CRIM1: variants seen among roughly 807,000 people sequenced by gnomAD.
The protein encoded by CRIM1 is cysteine rich transmembrane BMP regulator 1.
CRIM1 carries 32 observed loss-of-function variants against 116.4 expected under a neutral mutation model. That is an observed-to-expected ratio of 0.27 (90% CI 0.21 to 0.37). The LOEUF is 0.37. CRIM1 is among the 10% of genes least tolerant of loss of function. The probability of loss-of-function intolerance (pLI) is 1.00; values close to 1 mark genes in which losing one functional copy is unlikely to be tolerated. For synonymous variants in CRIM1, 590 were observed against 509.2 expected (o/e 1.16, Z -2.13); for missense variants, 1,331 against 1,354.8 (o/e 0.98, Z 0.28).
At chr2:36,426,769 T>G (rs538122273) in intron 2 of CRIM1, among the ~76,000 whole-genome samples, 2 of 152,330 alleles carry the variant, frequency 1.3e-5, no homozygotes, top group Admixed American at 1.3e-4. Flanking sequence ...GCTCCTTTTT[T>G]GTATGTGTAG....
intron 1 of CRIM1, among the ~76,000 whole-genome samples, chr2:36,367,889 C>T (rs1669699981): frequency 6.6e-6 from 1 of 152,120 alleles, no homozygotes; most frequent in South Asian, 2.1e-4. Flanking sequence ...TGCTGCCTTC[C>T]CTTTCTCCAT....
chr2:36,545,618 C>T (rs766133116), intron 15 of CRIM1, among the ~76,000 whole-genome samples: 3 of 152,046 alleles, frequency 2.0e-5, no homozygotes, highest in Non-Finnish European at 4.4e-5. Context: ...TAGTTGTTTC[C>T]GTTTTTGGCT....
At chr2:36,512,494 G>C in intron 10 of CRIM1, 100 bp downstream of exon 10, 2 of 1,313,770 alleles carry the variant, frequency 1.5e-6, no homozygotes, top group South Asian at 1.5e-5. Context: ...GGTGGTTGCT[G>C]CCTATTCTAA....
intron 1 of CRIM1, among the ~76,000 whole-genome samples, chr2:36,363,358 G>A (rs1282755143): frequency 6.6e-6 from 1 of 152,098 alleles, no homozygotes; most frequent in Admixed American, 6.5e-5. Context: ...ACTGGCACAT[G>A]GAACATGCTT....
intron 2 of CRIM1, among the ~76,000 whole-genome samples, chr2:36,402,037 C>T (rs1248776515): frequency 6.6e-6 from 1 of 152,150 alleles, no homozygotes; most frequent in African/African-American, 2.4e-5. Flanking sequence ...TCTGTGCCCA[C>T]CCACATTTTT....
At chr2:36,364,441 A>G (rs1669454263) in intron 1 of CRIM1, among the ~76,000 whole-genome samples, 1 of 152,224 alleles carries the variant, frequency 6.6e-6, no homozygotes, top group African/African-American at 2.4e-5. Flanking sequence ...ACAATTCATT[A>G]CAATCAGTTC....
rs774110531 is a variant in CRIM1, at chr2:36,499,255, G to T, written c.1409G>T (p.Gly470Val). The change falls in exon 8 of 17, where the codon GGG becomes GTG. Residue 470 changes from glycine (G) to valine (V), a missense_variant. Gly to Val is a moderately radical substitution (Grantham distance 109). This residue lies in a region of CRIM1 where 690 missense variants were observed against 676.0 expected (regional missense o/e 1.02). Coordinates refer to ENST00000280527, the MANE Select transcript of CRIM1 (RefSeq NM_016441.3). ...TIITVDPPAC[G>V]ELSNCTLTGK... is the part of the protein sequence containing the mutation. ...ATCACAGTTGATCCACCTGCATGTG[G>T]GGAGTTATCAAACTGCACTCTGACA... is the stretch of plus-strand genomic sequence containing the variant. 6.2e-7 allele frequency: 1 copy of T among 1,612,726 alleles called. No individual in the cohort carries two copies. Among genetic ancestry groups the T allele is most frequent in the South Asian group, 1.1e-5 (1 of 91,046 alleles).
At chr2:36,485,804 A>T (rs907379350) in intron 7 of CRIM1, among the ~76,000 whole-genome samples, 1 of 152,210 alleles carries the variant, frequency 6.6e-6, no homozygotes, top group African/African-American at 2.4e-5. Flanking sequence ...GCCATATACG[A>T]TGCTATTATT....
At chr2:36,427,016 C>G (rs370086981) in intron 2 of CRIM1, among the ~76,000 whole-genome samples, 16 of 152,152 alleles carry the variant, frequency 1.1e-4, no homozygotes, top group East Asian at 9.7e-4. Context: ...GCCTGACTAA[C>G]ATGGTGAAAC....
At chr2:36,542,561 C>T (rs894846817) in intron 14 of CRIM1, among the ~76,000 whole-genome samples, 2 of 152,196 alleles carry the variant, frequency 1.3e-5, no homozygotes, top group Admixed American at 6.5e-5. Context: ...TCTGCAGAAA[C>T]TTTTACTACT....
intron 1 of CRIM1, chr2:36,369,043 C>G (rs915158977): frequency 6.6e-6 from 1 of 152,122 alleles, no homozygotes; most frequent in Non-Finnish European, 1.5e-5. Context: ...GAGCTTTTGC[C>G]CAATCTAGGG....
chr2:36,478,348 T>C (rs1188856579), intron 6 of CRIM1, among the ~76,000 whole-genome samples: 1 of 152,194 alleles, frequency 6.6e-6, no homozygotes, highest in African/African-American at 2.4e-5. Context: ...TCTGCAATAG[T>C]TCTGAAACTG....
chr2:36,434,419 CTTCT>C (rs1443875166), intron 2 of CRIM1, among the ~76,000 whole-genome samples: 2 of 152,224 alleles, frequency 1.3e-5, no homozygotes, highest in African/African-American at 4.8e-5. Flanking sequence ...AGTTGAAGCT[CTTCT>C]TGCTTTTGGC....
At chr2:36,481,587 G>T (rs536687059) in intron 7 of CRIM1, among the ~76,000 whole-genome samples, 1 of 152,214 alleles carries the variant, frequency 6.6e-6, no homozygotes, top group Non-Finnish European at 1.5e-5. Flanking sequence ...GAATGTCCCC[G>T]TTGAGGTATG....
At position 36,384,925 on chromosome 2, in the gene CRIM1, C is replaced by G. The variant is rs3755218; in HGVS notation, c.332-11689C>G. Reference sequence around the variant, plus strand: ...AAAAGGTTTTGACATACATGCCAGACTTCCACTTAAGATGAAACTGGGCAA... The same window carrying G: ...AAAAGGTTTTGACATACATGCCAGAGTTCCACTTAAGATGAAACTGGGCAA... On this transcript the variant is annotated intron_variant, in intron 1 of 16. Transcript: ENST00000280527. Among the ~76,000 whole-genome samples the G allele has an allele frequency of 7.6e-4, 116 of 152,288 alleles. 2 individuals are homozygous for G. In the East Asian group the frequency reaches 0.019, roughly 26 times the overall value.
chr2:36,534,656 G>A lies in CRIM1; in HGVS notation c.2429-2696G>A, dbSNP rs551363982. On this transcript the variant is annotated intron_variant, in intron 13 of 16. Transcript: ENST00000280527. ...CAGACAGGAAGGGAAAGGAAGGGAA[G>A]GAAGGAAGGAAATACAGGAAGGAAA... Among the ~76,000 whole-genome samples, 28 of 147,960 alleles carry A rather than the reference G, an allele frequency of 1.9e-4. No individual in the cohort carries two copies. In the East Asian group the frequency reaches 5.4e-3, roughly 29 times the overall value.
intron 13 of CRIM1, among the ~76,000 whole-genome samples, chr2:36,524,263 C>G (rs1429993387): frequency 1.3e-5 from 2 of 152,112 alleles, no homozygotes; most frequent in African/African-American, 4.8e-5. Context: ...AAAAATGTAT[C>G]AAGGCATATA....
At chr2:36,496,644 A>C (rs1680615790) in intron 7 of CRIM1, among the ~76,000 whole-genome samples, 1 of 152,134 alleles carries the variant, frequency 6.6e-6, no homozygotes, top group Non-Finnish European at 1.5e-5. Context: ...TGTTCAAGTG[A>C]ACAAAACCTG....
chr2:36,385,735 T>C (rs1671123059), intron 1 of CRIM1, among the ~76,000 whole-genome samples: 1 of 152,218 alleles, frequency 6.6e-6, no homozygotes, highest in Non-Finnish European at 1.5e-5. Context: ...AGCCTTTGAC[T>C]ACCTCACTTT....
Sources: gnomAD v4.1 joint callset for allele counts (sites outside exome capture counted in the v4.1 genomes callset) on GRCh38, gnomAD v4.1.1 for gene constraint, gnomAD v4.1.1 regional missense constraint, MANE v1.5 for transcripts, NCBI Gene and HGNC (gene_info 2026-07-23, HGNC 2026-07-21) for gene names.